The following CDH20 variants were observed in gnomAD, a reference collection of about 807,000 sequenced individuals.
CDH20 encodes the protein cadherin 20.
In CDH20, 29 loss-of-function variants were observed where a neutral mutation model predicts 74.2. The observed-to-expected ratio is 0.39, with a 90% CI of 0.29 to 0.53. CDH20 has a LOEUF of 0.53. Among genes scored for constraint, CDH20 ranks in the 20% least tolerant of loss-of-function variants. The pLI is 0.69. For synonymous variants in CDH20, 469 were observed against 405.4 expected, an observed-to-expected ratio of 1.16 and a Z score of -1.88; for missense variants, 988 against 1,048.3, an observed-to-expected ratio of 0.94 and a Z score of 0.79.
intron 1 of CDH20, among the ~76,000 whole-genome samples, chr18:61,412,514 GATT>G (rs1298294303): frequency 1.3e-5 from 2 of 151,866 alleles, no homozygotes; most frequent in African/African-American, 4.8e-5. Flanking sequence ...GTCCAAAAAA[GATT>G]ATAACAGGTT....
Position 61,353,211 on chromosome 18 carries a change from C to T in CDH20, c.-153+19384C>T, listed in dbSNP as rs117317363. 3.0e-3 allele frequency among the ~76,000 whole-genome samples: 456 copies of T among 152,264 alleles called. 4 individuals are homozygous for T. Among genetic ancestry groups the T allele is most frequent in the East Asian group, 0.015 (80 of 5,182 alleles). On this transcript the variant is annotated intron_variant, in intron 1 of 11. Coordinates refer to ENST00000262717, the MANE Select transcript of CDH20 (RefSeq NM_031891.4). The surrounding 1 kb of genome is among the most constrained non-coding windows in gnomAD (Gnocchi z 4.6). The stretch of plus-strand genomic sequence containing the variant: ...ACATAACAAAGCTCAGAGTTTTTAG[C>T]GTGGCATTAGTTTCTCCACCATCTA...
Position 61,554,417 on chromosome 18 carries a change from C to T in CDH20, c.2128C>T (p.Arg710Cys), listed in dbSNP as rs370193730. 2.9e-5 allele frequency: 46 copies of T among 1,612,964 alleles called. No homozygotes were observed. In the East Asian group the frequency reaches 9.6e-4, roughly 34 times the overall value. ...GCTGCCCGAGATCGAGAGCCTCTCC[C>T]GCTACGTGCCTCAGACGTGCGCAGT... ...DMLPEIESLS[R>C]YVPQTCAVNS... Residue 710 changes from arginine (R) to cysteine (C), a missense_variant, in exon 12 of 12, where the codon CGC (arginine) becomes TGC (cysteine). Around this residue, in one of 2 missense-constraint regions of CDH20, gnomAD observed 375 missense variants for 293.1 expected, o/e 1.28. Coordinates refer to ENST00000262717, the MANE Select transcript of CDH20 (RefSeq NM_031891.4).
At chr18:61,521,762 G>A (rs1345946729) in intron 6 of CDH20, among the ~76,000 whole-genome samples, 4 of 144,076 alleles carry the variant, frequency 2.8e-5, no homozygotes, top group Non-Finnish European at 6.0e-5. Context: ...TGCAAGGCTG[G>A]TTCAACATAT....
At chr18:61,466,148 A>G (rs572811817) in intron 1 of CDH20, among the ~76,000 whole-genome samples, 62 of 151,568 alleles carry the variant, frequency 4.1e-4, no homozygotes, top group African/African-American at 1.4e-3. Context: ...TTCTCAAGAG[A>G]AGCAAATAGC....
intron 1 of CDH20, among the ~76,000 whole-genome samples, chr18:61,438,312 C>A (rs375436128): frequency 4.6e-5 from 7 of 152,056 alleles, no homozygotes; most frequent in Middle Eastern, 3.4e-3. Context: ...TGGGTGGTGA[C>A]AGGAAAAAGA....
Position 61,499,206 on chromosome 18 carries a change from G to A in CDH20, c.267G>A (p.Arg89=). 1 of 1,596,010 alleles carries A rather than the reference G, an allele frequency of 6.3e-7. No individual in the cohort carries two copies. ...CCCAGCTTCATTCAGATATGGACAGGGGAGACGGATCCATCAAATACATCC... is the reference window on the plus strand; with the variant it reads ...CCCAGCTTCATTCAGATATGGACAGAGGAGACGGATCCATCAAATACATCC... ...YVGKLHSDMD[R]GDGSIKYILS... Residue 89 remains arginine, a synonymous_variant, in exon 3 of 12, where the codon AGG becomes AGA. Transcript: ENST00000262717.
At chr18:61,418,159 T>G (rs1017331417) in intron 1 of CDH20, among the ~76,000 whole-genome samples, 2 of 152,198 alleles carry the variant, frequency 1.3e-5, no homozygotes, top group Non-Finnish European at 2.9e-5. Context: ...ACAATTCTTT[T>G]TAAAACATCT....
At chr18:61,449,017 A>G (rs944645790) in intron 1 of CDH20, among the ~76,000 whole-genome samples, 3 of 152,202 alleles carry the variant, frequency 2.0e-5, no homozygotes, top group African/African-American at 7.2e-5. Context: ...TACAGAAGCT[A>G]CTGATGGCTT....
intron 8 of CDH20, among the ~76,000 whole-genome samples, chr18:61,538,202 G>A (rs1029115637): frequency 6.6e-6 from 1 of 152,154 alleles, no homozygotes; most frequent in Non-Finnish European, 1.5e-5. Context: ...CTTTGCAAAT[G>A]TAATTCAAAG....
At chr18:61,424,928 T>G (rs1014110592) in intron 1 of CDH20, among the ~76,000 whole-genome samples, 2 of 152,114 alleles carry the variant, frequency 1.3e-5, no homozygotes, top group Non-Finnish European at 2.9e-5. Context: ...AATCAATAAT[T>G]GGATTAATAA....
intron 1 of CDH20, among the ~76,000 whole-genome samples, chr18:61,469,397 A>ACACACC (rs1418881736): frequency 2.7e-5 from 4 of 150,286 alleles, no homozygotes; most frequent in Admixed American, 2.6e-4. Context: ...ACACACACAC[A>ACACACC]CACACACCCC....
At chr18:61,418,641 T>C (rs1350721819) in intron 1 of CDH20, among the ~76,000 whole-genome samples, 1 of 147,870 alleles carries the variant, frequency 6.8e-6, no homozygotes, top group Non-Finnish European at 1.5e-5. Flanking sequence ...CCTGGACCAA[T>C]AATAAAGCAA....
chr18:61,467,672 T>A (rs541097792), intron 1 of CDH20, among the ~76,000 whole-genome samples: 1 of 152,314 alleles, frequency 6.6e-6, no homozygotes, highest in African/African-American at 2.4e-5. Context: ...GACAAACTTT[T>A]ACTGAGCATC....
rs1913186871 is a variant in CDH20 at position 61,545,007 on chromosome 18, A to T, written c.1531-20A>T. ...TTTTCCTTTGGCTCCAACTCACCTGATTTCATGTCCCTCCCTCAGCTGATC... is the reference window on the plus strand; with the variant it reads ...TTTTCCTTTGGCTCCAACTCACCTGTTTTCATGTCCCTCCCTCAGCTGATC... On this transcript the variant is annotated intron_variant, in intron 9 of 11. Coordinates refer to ENST00000262717, the MANE Select transcript of CDH20 (RefSeq NM_031891.4). The T allele has an allele frequency of 6.4e-7, 1 of 1,557,752 alleles. No homozygotes were observed.
chr18:61,533,943 A>C (rs1337851999), intron 7 of CDH20, among the ~76,000 whole-genome samples: 1 of 152,096 alleles, frequency 6.6e-6, no homozygotes, highest in African/African-American at 2.4e-5. Context: ...TAGACCCATG[A>C]GTTTTTTTCT....
chr18:61,437,261 G>T (rs1908869189), intron 1 of CDH20, among the ~76,000 whole-genome samples: 2 of 152,084 alleles, frequency 1.3e-5, no homozygotes, highest in South Asian at 4.1e-4. Flanking sequence ...TTCCCTGGGG[G>T]CCTGTCAGAC....
chr18:61,378,700 T>C (rs1256561100), intron 1 of CDH20, among the ~76,000 whole-genome samples: 1 of 152,248 alleles, frequency 6.6e-6, no homozygotes, highest in East Asian at 1.9e-4. Flanking sequence ...TGGTGACTAT[T>C]CTTTTTGTCT....
At position 61,515,199 on chromosome 18, in the gene CDH20, G is replaced by C. The variant is rs532417547; in HGVS notation, c.1017+7639G>C. On this transcript the variant is annotated intron_variant, in intron 6 of 11. Transcript: ENST00000262717. ...GGAGCCAGGTGCGGGATATAATCTC[G>C]TGGTGCGCCATTTTTTAAGCCCGTC... 4.6e-5 allele frequency among the ~76,000 whole-genome samples: 7 copies of C among 152,240 alleles called. No individual in the cohort carries two copies. The South Asian group carries it at 1.2e-3, about 27-fold the overall frequency.
At chr18:61,553,366 T>G (rs1376065247) in intron 11 of CDH20, among the ~76,000 whole-genome samples, 1 of 152,172 alleles carries the variant, frequency 6.6e-6, no homozygotes, top group Non-Finnish European at 1.5e-5. Flanking sequence ...TCTCTATCTC[T>G]CCTTTAAACC....
Sources: gnomAD v4.1 joint callset for allele counts (sites outside exome capture counted in the v4.1 genomes callset) on GRCh38, gnomAD v4.1.1 for gene constraint, gnomAD v4.1.1 regional missense constraint, Gnocchi (gnomAD v3.1) non-coding constraint, MANE v1.5 for transcripts, NCBI Gene and HGNC (gene_info 2026-07-23, HGNC 2026-07-21) for gene names.